SDCCAG8: variants seen among roughly 807,000 people sequenced by gnomAD.
SDCCAG8 encodes SHH signaling and ciliogenesis regulator SDCCAG8, also known as serologically defined colon cancer antigen 8.
SDCCAG8 carries 74 observed loss-of-function variants against 101.8 expected under a neutral mutation model. That is an observed-to-expected ratio of 0.73 (90% CI 0.60 to 0.88). The LOEUF (loss-of-function observed/expected upper bound fraction) is 0.88, where lower values mean the gene tolerates loss of function less well. SDCCAG8 is among the 40% of genes least tolerant of loss of function. The pLI, the probability that SDCCAG8 is intolerant of heterozygous loss-of-function variation, is 0.00. For synonymous variants in SDCCAG8, 281 were observed against 292.9 expected, an observed-to-expected ratio of 0.96 and a Z score of 0.41; for missense variants, 787 against 822.6, an observed-to-expected ratio of 0.96 and a Z score of 0.53.
intron 9 of SDCCAG8, 150 bp downstream of exon 9, chr1:243,317,043 TAAAC>T (rs1394360416): frequency 1.3e-5 from 11 of 841,098 alleles, no homozygotes; most frequent in Admixed American, 5.4e-5. Flanking sequence ...TTTTCTGAAT[TAAAC>T]AAATTTGCTA....
At position 243,270,196 on chromosome 1, in the gene SDCCAG8, C is replaced by A. The variant is rs776370459; in HGVS notation, c.159C>A (p.Ser53Arg). ...AAGATGCACCAAATCTTTCTTTTAG[C>A]ACCAGTGTGGGAAATGAGGACGCCA... is the stretch of plus-strand genomic sequence containing the variant. ...IGEDAPNLSFSTSVGNEDART... is the reference protein window; with the variant it reads ...IGEDAPNLSFRTSVGNEDART... The change falls in exon 2 of 18, where the codon AGC becomes AGA. Residue 53 changes from serine to arginine, a missense_variant. By Grantham distance (110) the Ser-to-Arg change is moderately radical. Coordinates refer to ENST00000366541, the MANE Select transcript of SDCCAG8 (RefSeq NM_006642.5). The A allele has an allele frequency of 1.9e-6, 3 of 1,614,174 alleles. No individual in the cohort carries two copies. Among genetic ancestry groups the A allele is most frequent in the Non-Finnish European group, 2.5e-6 (3 of 1,180,028 alleles).
intron 16 of SDCCAG8, among the ~76,000 whole-genome samples, chr1:243,451,225 C>T (rs76425252): frequency 9.7e-4 from 148 of 152,342 alleles, no homozygotes; most frequent in African/African-American, 2.6e-3. Context: ...AGCTCAGCAT[C>T]TCCTTGAGTT....
chr1:243,426,518 T>C lies in SDCCAG8; in HGVS notation c.1945T>C (p.Cys649Arg), dbSNP rs371805116. 22 of 1,613,812 alleles carry C rather than the reference T, an allele frequency of 1.4e-5. No individual in the cohort carries two copies. Among genetic ancestry groups the C allele is most frequent in the African/African-American group, 2.7e-5 (2 of 74,888 alleles). Reference protein sequence around the residue: ...QRRNEELEEQCVQHGRVHETM... With the variant: ...QRRNEELEEQRVQHGRVHETM... ...AAGAAATGAAGAATTGGAGGAACAGTGTGTCCAGCATGGGAGAGTACATGA... is the reference window on the plus strand; with the variant it reads ...AAGAAATGAAGAATTGGAGGAACAGCGTGTCCAGCATGGGAGAGTACATGA... Residue 649 changes from cysteine to arginine, a missense_variant, in exon 16 of 18, where the codon TGT becomes CGT. Coordinates refer to ENST00000366541, the MANE Select transcript of SDCCAG8 (RefSeq NM_006642.5).
chr1:243,278,298 A>G (rs1467090733), intron 4 of SDCCAG8, among the ~76,000 whole-genome samples: 1 of 151,948 alleles, frequency 6.6e-6, no homozygotes, highest in Non-Finnish European at 1.5e-5. Flanking sequence ...TTAGCTCACT[A>G]CATCCTCCGC....
chr1:243,373,123 G>A (rs1282978389), intron 12 of SDCCAG8, among the ~76,000 whole-genome samples: 6 of 151,872 alleles, frequency 4.0e-5, no homozygotes, highest in African/African-American at 1.5e-4. Flanking sequence ...GATTTAAAAT[G>A]GATTTTTTAC....
At chr1:243,460,167 T>G (rs753937026) in intron 16 of SDCCAG8, among the ~76,000 whole-genome samples, 2 of 152,236 alleles carry the variant, frequency 1.3e-5, no homozygotes, top group Non-Finnish European at 2.9e-5. Context: ...AAAGAATCTA[T>G]TTATTAGAAC....
In SDCCAG8 at chr1:243,432,908, T is replaced by A. The variant is rs150198185; in HGVS notation, c.1985+6350T>A. On this transcript the variant is annotated intron_variant, in intron 16 of 17. Coordinates refer to ENST00000366541, the MANE Select transcript of SDCCAG8 (RefSeq NM_006642.5). ...TATATATAATAATGAGATGATTTAA[T>A]AAATTCCATGTGTTTCTATGGAGGG... 1.1e-3 allele frequency among the ~76,000 whole-genome samples: 160 copies of A among 152,294 alleles called. 1 individual carries two copies. The highest frequency in any genetic ancestry group is 3.5e-3 in the African/African-American group (146 of 41,548).
rs368178462 is a variant in SDCCAG8, at chr1:243,499,719, T to A, written c.2113-37T>A. 3 of 1,504,980 alleles carry A rather than the reference T, an allele frequency of 2.0e-6. No homozygotes were observed. The African/African-American group carries it at 4.1e-5, about 21-fold the overall frequency. 93.2% of individuals were successfully genotyped at this position (1,504,980 alleles called of 1,614,324 possible). A position where few individuals can be genotyped will look rare whatever the true frequency, so the allele number is the denominator to read the frequency against. ...AGAAGACAAATAACATTGAAGAACA[T>A]GAGCTATTGAAACTTACTTTTTATT... On this transcript the variant is annotated intron_variant, in intron 17 of 17. Transcript: ENST00000366541.
chr1:243,318,466 C>A, intron 9 of SDCCAG8: 2 of 627,734 alleles, frequency 3.2e-6, no homozygotes, highest in Non-Finnish European at 4.0e-6. Flanking sequence ...CATGAGTTTG[C>A]CTATGTAACA....
intron 7 of SDCCAG8, chr1:243,307,390 A>C (rs2149318784): frequency 1.0e-6 from 1 of 981,210 alleles, no homozygotes. Context: ...TCTGTAACTT[A>C]CTTTCTTTTG....
intron 16 of SDCCAG8, among the ~76,000 whole-genome samples, chr1:243,477,803 G>T (rs1056969306): frequency 6.6e-6 from 1 of 152,186 alleles, no homozygotes; most frequent in East Asian, 1.9e-4. Flanking sequence ...CCAAGCTTCT[G>T]GCCTCTTTTG....
At chr1:243,434,303 T>A (rs188140807) in intron 16 of SDCCAG8, among the ~76,000 whole-genome samples, 1 of 152,384 alleles carries the variant, frequency 6.6e-6, no homozygotes, top group East Asian at 1.9e-4. Context: ...CCTCAGCAAT[T>A]TGCTGTAGAG....
intron 16 of SDCCAG8, among the ~76,000 whole-genome samples, chr1:243,467,364 G>A (rs1001514650): frequency 2.0e-5 from 3 of 152,218 alleles, no homozygotes; most frequent in African/African-American, 7.2e-5. Flanking sequence ...AATCAGTCCA[G>A]CTCCAGTCAG....
intron 17 of SDCCAG8, among the ~76,000 whole-genome samples, chr1:243,498,888 T>TATC (rs929748221): frequency 6.6e-6 from 1 of 152,160 alleles, no homozygotes; most frequent in African/African-American, 2.4e-5. Flanking sequence ...CGTCCCAATT[T>TATC]ATCTGACGTA....
intron 1 of SDCCAG8, among the ~76,000 whole-genome samples, chr1:243,266,674 G>C (rs1060643): frequency 0.092 from 13,967 of 151,396 alleles, 832 homozygotes; most frequent in Non-Finnish European, 0.13. Context: ...AAAGTGAGTA[G>C]GCCAGGCACG....
intron 1 of SDCCAG8, among the ~76,000 whole-genome samples, chr1:243,259,167 G>A (rs557713586): frequency 6.6e-6 from 1 of 152,178 alleles, no homozygotes; most frequent in South Asian, 2.1e-4. Context: ...TTGGGAGGCT[G>A]GGGCGGGCGG....
chr1:243,300,918 C>T (rs1489532771), intron 6 of SDCCAG8, among the ~76,000 whole-genome samples: 1 of 151,228 alleles, frequency 6.6e-6, no homozygotes, highest in Non-Finnish European at 1.5e-5. Flanking sequence ...AGATTTGTGG[C>T]AATTTAAAAA....
chr1:243,308,584 C>A (rs189006394), intron 8 of SDCCAG8, among the ~76,000 whole-genome samples: 1 of 152,164 alleles, frequency 6.6e-6, no homozygotes, highest in Non-Finnish European at 1.5e-5. Flanking sequence ...TGCTGTACTT[C>A]AGGTAGAATG....
At chr1:243,315,743 T>A (rs772695962) in intron 8 of SDCCAG8, among the ~76,000 whole-genome samples, 23 of 152,320 alleles carry the variant, frequency 1.5e-4, no homozygotes, top group Non-Finnish European at 2.6e-4. Flanking sequence ...AAAAAAATCA[T>A]AGTTGGCCCT....
Sources: allele counts gnomAD v4.1 joint callset (sites outside exome capture counted in the v4.1 genomes callset), GRCh38; gene constraint gnomAD v4.1.1; transcripts MANE v1.5; gene names NCBI Gene and HGNC (gene_info 2026-07-23, HGNC 2026-07-21).